The following SMTN variants were observed in gnomAD, a reference collection of about 807,000 sequenced individuals.
SMTN encodes smoothelin.
SMTN carries 58 observed loss-of-function variants against 102.0 expected under a neutral mutation model. That is an observed-to-expected ratio of 0.57 (90% CI 0.46 to 0.71). The LOEUF (loss-of-function observed/expected upper bound fraction) is 0.71, where lower values mean the gene tolerates loss of function less well. SMTN is among the 30% of genes least tolerant of loss of function. SMTN has a pLI of 0.00. For synonymous variants in SMTN, 478 were observed against 497.9 expected, an observed-to-expected ratio of 0.96 and a Z score of 0.53; for missense variants, 1,185 against 1,241.7, an observed-to-expected ratio of 0.95 and a Z score of 0.69.
Position 31,091,670 on chromosome 22 carries a change from C to T in SMTN, c.1460-5C>T. Reference sequence around the variant, plus strand: ...CTCCTGACAGCCACCTTTCTCCCCACTCAGAACTGACACTGGGGCTGCGGG... The same window carrying T: ...CTCCTGACAGCCACCTTTCTCCCCATTCAGAACTGACACTGGGGCTGCGGG... On this transcript the variant is annotated splice_polypyrimidine_tract_variant and splice_region_variant and intron_variant, in intron 10 of 20. Transcript: ENST00000333137. 1 of 1,583,816 alleles carries T rather than the reference C, an allele frequency of 6.3e-7. No individual in the cohort carries two copies. Among genetic ancestry groups the T allele is most frequent in the Non-Finnish European group, 8.6e-7 (1 of 1,160,950 alleles).
At chr22:31,074,682 C>A (rs2042086299) in intron 1 of SMTN, among the ~76,000 whole-genome samples, 1 of 151,774 alleles carries the variant, frequency 6.6e-6, no homozygotes, top group South Asian at 2.1e-4. Context: ...CCTAGCTACT[C>A]ACTACTCGGG....
At chr22:31,097,711 A>AATGG (rs1555971525) in intron 16 of SMTN, among the ~76,000 whole-genome samples, 2 of 128,948 alleles carry the variant, frequency 1.6e-5, no homozygotes, top group Admixed American at 7.7e-5. Context: ...CTCAAAAATA[A>AATGG]ATAGATAAAT....
intron 1 of SMTN, among the ~76,000 whole-genome samples, chr22:31,069,825 A>G (rs1210174882): frequency 6.6e-6 from 1 of 152,186 alleles, no homozygotes; most frequent in Non-Finnish European, 1.5e-5. Context: ...TCCAGCCCTG[A>G]CTTGCTCTCC....
At position 31,095,721 on chromosome 22, in the gene SMTN, C is replaced by G; in HGVS notation, c.1861+112C>G. The G allele has an allele frequency of 1.1e-6, 1 of 886,020 alleles. No homozygotes were observed. 54.9% of individuals were successfully genotyped at this position (886,020 alleles called of 1,614,324 possible). On this transcript the variant is annotated intron_variant, in intron 13 of 20. Transcript: ENST00000333137. The surrounding 1 kb of genome is among the most constrained non-coding windows in gnomAD (Gnocchi z 4.1). ...CCAGCTTAATAACTGCCCTACCCAG[C>G]TTCTCCTTCTCTAGACCCAGCAGTT...
intron 3 of SMTN, 123 bp from the exon 4 acceptor site, chr22:31,088,390 G>A (rs1173703335): frequency 1.2e-6 from 1 of 863,770 alleles, no homozygotes; most frequent in African/African-American, 1.7e-5. Flanking sequence ...CAGTTAGAGG[G>A]TGTGCACAGC....
At position 31,091,883 on chromosome 22, in the gene SMTN, G is replaced by A. The variant is rs112630818; in HGVS notation, c.1632+36G>A. 100 of 1,515,556 alleles carry A rather than the reference G, an allele frequency of 6.6e-5. 2 individuals carry two copies. The African/African-American group carries it at 8.5e-4, about 13-fold the overall frequency. The allele number at this position is 1,515,556 out of a possible 1,614,324, so 93.9% of individuals were successfully genotyped here. ...CCTCACCCCACCAGCCTCACCATCCGTCAGCCTCACATACACTGCTTCAGG... is the reference window on the plus strand; with the variant it reads ...CCTCACCCCACCAGCCTCACCATCCATCAGCCTCACATACACTGCTTCAGG... On this transcript the variant is annotated intron_variant, in intron 11 of 20. Coordinates refer to ENST00000333137, the MANE Select transcript of SMTN (RefSeq NM_134269.3).
At chr22:31,085,466 G>A (rs1192515944) in intron 2 of SMTN, among the ~76,000 whole-genome samples, 1 of 152,190 alleles carries the variant, frequency 6.6e-6, no homozygotes, top group African/African-American at 2.4e-5. Context: ...GGAGACTGAG[G>A]CCCAGTGAGA....
At chr22:31,104,089 G>A (rs117551362) in intron 20 of SMTN, 19,534 of 563,304 alleles carry the variant, frequency 0.035, 488 homozygotes, top group Middle Eastern at 0.077. Context: ...GCTCTCTTCT[G>A]CCATCTCCGC....
In SMTN at chr22:31,095,470, G is replaced by A. The variant is rs375837974; in HGVS notation, c.1785+15G>A. Reference sequence around the variant, plus strand: ...TGGACAAGATGGTATAGCCAGATCCGGTGGGCTGGGGGTTGGCAGAGGCCA... The same window carrying A: ...TGGACAAGATGGTATAGCCAGATCCAGTGGGCTGGGGGTTGGCAGAGGCCA... On this transcript the variant is annotated intron_variant, in intron 12 of 20. Transcript: ENST00000333137. The surrounding 1 kb of genome is among the most constrained non-coding windows in gnomAD (Gnocchi z 4.1). 22 of 1,614,224 alleles carry A rather than the reference G, an allele frequency of 1.4e-5. 1 individual carries two copies. The highest frequency in any genetic ancestry group is 1.1e-4 in the East Asian group (5 of 44,886).
chr22:31,095,903 C>A lies in SMTN; in HGVS notation c.1861+294C>A. The A allele has an allele frequency of 3.7e-5, 17 of 464,244 alleles. No individual in the cohort carries two copies. The highest frequency in any genetic ancestry group is 8.4e-5 in the East Asian group (2 of 23,682). The allele number at this position is 464,244 out of a possible 1,614,324, so 28.8% of individuals were successfully genotyped here. On this transcript the variant is annotated intron_variant, in intron 13 of 20. Coordinates refer to ENST00000333137, the MANE Select transcript of SMTN (RefSeq NM_134269.3). This position sits in a 1 kb window ranked among gnomAD's most constrained non-coding sequence, Gnocchi z 4.1. The stretch of plus-strand genomic sequence containing the variant: ...TCTCTCCTTGGATCCAGTTGCCTCT[C>A]AAAGTACTGTCAACGACTCCTTCCC...
chr22:31,100,855 C>CAA, intron 19 of SMTN, 30 bp from the exon 20 acceptor site: 1 of 1,091,716 alleles, frequency 9.2e-7, no homozygotes, highest in Non-Finnish European at 1.3e-6. Flanking sequence ...CCCCGTCCCC[C>CAA]ACCCCTTCCC....
chr22:31,082,348 G>T (rs1184327553), intron 1 of SMTN: 1 of 347,488 alleles, frequency 2.9e-6, no homozygotes, highest in Non-Finnish European at 6.0e-6. Flanking sequence ...GGCAAGATGG[G>T]GCTCTTGCCT....
At chr22:31,081,792 A>G (rs2042326509) in intron 1 of SMTN, among the ~76,000 whole-genome samples, 2 of 152,194 alleles carry the variant, frequency 1.3e-5, no homozygotes. Context: ...TTATAATCCC[A>G]TGGGTGTCCT....
intron 11 of SMTN, chr22:31,092,541 C>A (rs1468088327): frequency 2.1e-6 from 1 of 471,258 alleles, no homozygotes; most frequent in Non-Finnish European, 4.4e-6. Flanking sequence ...GTAATGCCCT[C>A]TGTGCTAAAC....
At position 31,097,285 on chromosome 22, in the gene SMTN, C is replaced by T; in HGVS notation, c.2106C>T (p.Thr702=). ...VRRSENGSGS[T]MMQTKTFSSS... ...TTTTTGCAGATGGCAGTGGCAGCAC[C>T]ATGATGCAAACCAAGACCTTCTCCT... The change falls in exon 16 of 21, where the codon ACC becomes ACT. Residue 702 remains threonine, a synonymous_variant. Coordinates refer to ENST00000333137, the MANE Select transcript of SMTN (RefSeq NM_134269.3). The T allele has an allele frequency of 1.9e-6, 3 of 1,614,156 alleles. No homozygotes were observed. In the East Asian group the frequency reaches 6.7e-5, roughly 36 times the overall value.
intron 16 of SMTN, 56 bp downstream of exon 16, chr22:31,097,394 A>C: frequency 6.6e-7 from 1 of 1,505,924 alleles, no homozygotes; most frequent in Non-Finnish European, 9.2e-7. Flanking sequence ...CAGGGGACCT[A>C]ACTGCAAACC....
intron 20 of SMTN, chr22:31,102,554 A>G (rs984718833): frequency 6.6e-6 from 1 of 152,340 alleles, no homozygotes; most frequent in African/African-American, 2.4e-5. Context: ...GCTTGGTGCT[A>G]TCTCCAGATC....
At position 31,088,066 on chromosome 22, in the gene SMTN, C is replaced by T. The variant is rs769341481; in HGVS notation, c.153C>T (p.Ser51=). The change falls in exon 3 of 21, where the codon TCC becomes TCT. Residue 51 remains serine, a synonymous_variant. Transcript: ENST00000333137. ...ELEREEEALA[S]KRFRAERQDN... ...AGCGCGAGGAGGAGGCCCTGGCATC[C>T]AAGCGTTTCCGTGCCGAGCGGCAGG... 1 of 1,611,166 alleles carries T rather than the reference C, an allele frequency of 6.2e-7. No individual in the cohort carries two copies.
Position 31,091,825 on chromosome 22 carries a change from G to A in SMTN, c.1610G>A (p.Ser537Asn). Residue 537 changes from serine to asparagine, a missense_variant, in exon 11 of 21, where the codon AGC becomes AAC. Physicochemically the swap from Ser to Asn is conservative, Grantham distance 46. This residue lies in a region of SMTN where 1,096 missense variants were observed against 1,112.7 expected (regional missense o/e 0.98). Transcript: ENST00000333137. Reference sequence around the variant, plus strand: ...AGCTTCAGCCATGCCCCCCCCAGTAGCCGAGGAGGCTGCAGCATCAAGGTG... The same window carrying A: ...AGCTTCAGCCATGCCCCCCCCAGTAACCGAGGAGGCTGCAGCATCAAGGTG... The part of the protein sequence containing the change: ...VTSFSHAPPS[S>N]RGGCSIKMEA... The A allele has an allele frequency of 6.3e-7, 1 of 1,597,276 alleles. No individual in the cohort carries two copies. The highest frequency in any genetic ancestry group is 8.5e-7 in the Non-Finnish European group (1 of 1,170,866).
Sources: gnomAD v4.1 joint callset for allele counts (sites outside exome capture counted in the v4.1 genomes callset) on GRCh38, gnomAD v4.1.1 for gene constraint, gnomAD v4.1.1 regional missense constraint, Gnocchi (gnomAD v3.1) non-coding constraint, MANE v1.5 for transcripts, NCBI Gene and HGNC (gene_info 2026-07-23, HGNC 2026-07-21) for gene names.